ALG13: variants seen among roughly 807,000 people sequenced by gnomAD.
ALG13 encodes ALG13 UDP-N-acetylglucosaminyltransferase subunit, also known as UDP-N-acetylglucosamine transferase subunit ALG13.
ALG13 carries 11 observed loss-of-function variants against 87.8 expected under a neutral mutation model. That is an observed-to-expected ratio of 0.13 (90% CI 0.08 to 0.21). The LOEUF (loss-of-function observed/expected upper bound fraction) is 0.21. Ranked by LOEUF, ALG13 falls within the 10% of genes least tolerant of loss-of-function variation. ALG13 has a pLI of 1.00. For missense variants in ALG13, 756 were observed against 866.1 expected, an observed-to-expected ratio of 0.87 and a Z score of 1.60; for synonymous variants, 320 against 306.3, an observed-to-expected ratio of 1.04 and a Z score of -0.47.
At chrX:111,717,752 G>A (rs902000217) in intron 8 of ALG13, 94 bp from the exon 9 acceptor site, 14 of 579,155 alleles carry the variant, frequency 2.4e-5, no homozygotes, top group Non-Finnish European at 3.4e-5. Context: ...ATCAGTTACT[G>A]ACTACTGACT....
chrX:111,726,719 G>A (rs1291304485), intron 15 of ALG13, 90 bp from the exon 16 acceptor site: 1 of 1,046,043 alleles, frequency 9.6e-7, no homozygotes, highest in Non-Finnish European at 1.3e-6. Context: ...GGAAGCATTG[G>A]AAAGTTTAAG....
chrX:111,729,457 C>G (rs1942438748), intron 19 of ALG13, among the ~76,000 whole-genome samples: 1 of 111,017 alleles, frequency 9.0e-6, no homozygotes, highest in African/African-American at 3.3e-5. Context: ...CAAGAATGAT[C>G]TGTGAAAACT....
chrX:111,726,238 T>TG (rs1363912205), intron 15 of ALG13, among the ~76,000 whole-genome samples: 5 of 97,247 alleles, frequency 5.1e-5, no homozygotes, highest in African/African-American at 1.9e-4. Context: ...TTTTGTTTTT[T>TG]TTTTTTTTTT....
At chrX:111,745,152 G>T in intron 24 of ALG13, among the ~76,000 whole-genome samples, 1 of 111,274 alleles carries the variant, frequency 9.0e-6, no homozygotes, top group Admixed American at 9.6e-5. Flanking sequence ...TTTTGTTTTG[G>T]TAGCTACATG....
At chrX:111,722,654 C>T (rs1005605453) in intron 12 of ALG13, 139 bp from the exon 13 acceptor site, 7 of 442,679 alleles carry the variant, frequency 1.6e-5, no homozygotes, top group African/African-American at 2.5e-5. Context: ...GATAGAATCG[C>T]CCTTTGGGAC....
intron 3 of ALG13, chrX:111,689,433 A>G: frequency 2.7e-6 from 2 of 753,189 alleles, no homozygotes; most frequent in Non-Finnish European, 3.1e-6. Context: ...CTCAAATATC[A>G]GACAACTAAA....
chrX:111,692,496 G>T (rs948556658), intron 3 of ALG13, among the ~76,000 whole-genome samples: 3 of 111,189 alleles, frequency 2.7e-5, no homozygotes, highest in East Asian at 2.8e-4. Flanking sequence ...CTGTCATCTT[G>T]TACACATTTA....
At chrX:111,724,380 A>AT (rs1447436166) in intron 14 of ALG13, among the ~76,000 whole-genome samples, 3 of 111,727 alleles carry the variant, frequency 2.7e-5, no homozygotes, top group Non-Finnish European at 5.6e-5. Flanking sequence ...GGTGATGATA[A>AT]TGCTGCTGGT....
At chrX:111,757,094 A>G (rs1945323006) in intron 25 of ALG13, among the ~76,000 whole-genome samples, 2 of 112,010 alleles carry the variant, frequency 1.8e-5, no homozygotes, top group Admixed American at 9.5e-5. Flanking sequence ...AATCACCTCT[A>G]TGATCACTGT....
In ALG13 at chrX:111,717,871, G is replaced by A; in HGVS notation, c.1031G>A (p.Gly344Asp). The A allele has an allele frequency of 1.7e-6, 2 of 1,204,313 alleles. No individual in the cohort carries two copies. The highest frequency in any genetic ancestry group is 2.2e-6 in the Non-Finnish European group (2 of 891,034). ...DKILLCYSSS[G>D]HYDSVYSKQF... ...ATTCTACTCTGCTACTCAAGTAGTG[G>A]TCACTATGATTCTGTGTACTCAAAA... Residue 344 changes from glycine to aspartate, a missense_variant, in exon 9 of 27, where the codon GGT (glycine) becomes GAT (aspartate). Transcript: ENST00000394780.
At chrX:111,695,329 G>A (rs1334855996) in intron 3 of ALG13, among the ~76,000 whole-genome samples, 1 of 110,916 alleles carries the variant, frequency 9.0e-6, no homozygotes, top group Non-Finnish European at 1.9e-5. Context: ...CTTGAGACCA[G>A]CCTGACCAGC....
chrX:111,759,890 G>A lies in ALG13; in HGVS notation c.3305G>A (p.Gly1102Asp), dbSNP rs1945600950. The A allele has an allele frequency of 8.3e-7, 1 of 1,208,656 alleles. No homozygotes were observed. Among genetic ancestry groups the A allele is most frequent in the African/African-American group, 1.8e-5 (1 of 56,836 alleles). Residue 1102 changes from glycine to aspartate, a missense_variant, in exon 27 of 27, where the codon GGT becomes GAT. Transcript: ENST00000394780. ...YSCVPPWHPV[G>D]TAYGGSSQIH... ...TGTGTTCCCCCCTGGCATCCAGTTGGTACAGCATATGGTGGTTCTTCTCAA... is the reference window on the plus strand; with the variant it reads ...TGTGTTCCCCCCTGGCATCCAGTTGATACAGCATATGGTGGTTCTTCTCAA...
intron 14 of ALG13, 72 bp from the exon 15 acceptor site, chrX:111,724,862 T>C: frequency 9.5e-7 from 1 of 1,056,376 alleles, no homozygotes; most frequent in Non-Finnish European, 1.3e-6. Context: ...GTATAAGGGG[T>C]GGGATACGTG....
At position 111,681,670 on chromosome X, in the gene ALG13, G is replaced by C. The variant is rs915482040; in HGVS notation, c.81+371G>C. 66 of 885,564 alleles carry C rather than the reference G, an allele frequency of 7.5e-5. 1 individual carries two copies. The highest frequency in any genetic ancestry group is 4.5e-4 in the South Asian group (12 of 26,809). The allele number at this position is 885,564 out of a possible 1,213,427, so 73.0% of individuals were successfully genotyped here. A position where few individuals can be genotyped will look rare whatever the true frequency, so the allele number is the denominator to read the frequency against. ...ACCGGGCTCGGCAGTTTTTCCTCAGGCCCCCCTGTGGACCGCACGTCGGCG... is the reference window on the plus strand; with the variant it reads ...ACCGGGCTCGGCAGTTTTTCCTCAGCCCCCCCTGTGGACCGCACGTCGGCG... On this transcript the variant is annotated intron_variant, in intron 1 of 26. Coordinates refer to ENST00000394780, the MANE Select transcript of ALG13 (RefSeq NM_001099922.3).
At chrX:111,699,033 CATT>C (rs1332310147) in intron 3 of ALG13, among the ~76,000 whole-genome samples, 1 of 111,962 alleles carries the variant, frequency 8.9e-6, no homozygotes, top group African/African-American at 3.2e-5. Flanking sequence ...TATCTTTCAT[CATT>C]TTAAATAAAA....
At chrX:111,739,385 G>A (rs979111596) in intron 23 of ALG13, among the ~76,000 whole-genome samples, 2 of 111,965 alleles carry the variant, frequency 1.8e-5, no homozygotes, top group Non-Finnish European at 3.8e-5. Context: ...GATTTGGGTG[G>A]GGACAGAGTC....
At chrX:111,745,271 A>G (rs997018670) in intron 24 of ALG13, among the ~76,000 whole-genome samples, 2 of 111,493 alleles carry the variant, frequency 1.8e-5, no homozygotes, top group Non-Finnish European at 3.8e-5. Context: ...AATTCTTTCC[A>G]TAAGTGCATG....
chrX:111,742,457 G>A (rs1943839701), intron 23 of ALG13, among the ~76,000 whole-genome samples: 2 of 108,379 alleles, frequency 1.8e-5, no homozygotes, highest in South Asian at 7.7e-4. Context: ...AAAAAAAACA[G>A]TAATCAAGAT....
At chrX:111,735,824 C>T (rs1293547047) in intron 22 of ALG13, among the ~76,000 whole-genome samples, 1 of 110,538 alleles carries the variant, frequency 9.0e-6, no homozygotes, top group East Asian at 2.9e-4. Flanking sequence ...TGGAGACTCC[C>T]AGTGAGGACA....
Sources: gnomAD v4.1 joint callset for allele counts (sites outside exome capture counted in the v4.1 genomes callset) on GRCh38, gnomAD v4.1.1 for gene constraint, MANE v1.5 for transcripts, NCBI Gene and HGNC (gene_info 2026-07-23, HGNC 2026-07-21) for gene names.